The following CFAP299 variants were observed in gnomAD, a reference collection of about 807,000 sequenced individuals.
CFAP299 encodes the protein cilia and flagella associated protein 299, also known as cilia- and flagella-associated protein 299.
Under a neutral mutation model 27.0 loss-of-function variants are expected in CFAP299, and 21 were observed. The observed-to-expected ratio is 0.78, with a 90% CI of 0.55 to 1.12. The LOEUF (loss-of-function observed/expected upper bound fraction) is 1.12. Ranked by LOEUF, CFAP299 falls within the 50% of genes most tolerant of loss-of-function variation. The pLI is 0.00. For missense variants in CFAP299, 310 were observed against 276.6 expected (o/e 1.12, Z -0.86); for synonymous variants, 104 against 98.1 (o/e 1.06, Z -0.36).
intron 2 of CFAP299, chr4:80,387,072 T>G: frequency 1.4e-6 from 2 of 1,434,992 alleles, no homozygotes; most frequent in African/African-American, 2.8e-5. Context: ...GGGGAAGTTG[T>G]GAGTGGCGGT....
At chr4:80,725,089 C>A (rs555215131) in intron 3 of CFAP299, among the ~76,000 whole-genome samples, 48 of 149,070 alleles carry the variant, frequency 3.2e-4, no homozygotes, top group South Asian at 2.4e-3. Context: ...GGACTACAGG[C>A]ATGCACCACC....
At chr4:80,372,516 T>C (rs1331119362) in intron 2 of CFAP299, among the ~76,000 whole-genome samples, 5 of 152,246 alleles carry the variant, frequency 3.3e-5, no homozygotes, top group African/African-American at 1.2e-4. Context: ...AATATATTTC[T>C]GTTTTAAGCC....
At chr4:80,850,368 T>C (rs1578181353) in intron 3 of CFAP299, among the ~76,000 whole-genome samples, 1 of 151,932 alleles carries the variant, frequency 6.6e-6, no homozygotes, top group South Asian at 2.1e-4. Flanking sequence ...TAATATGTTA[T>C]TCAGAAACAA....
chr4:80,862,159 C>G (rs1732416785), intron 3 of CFAP299, among the ~76,000 whole-genome samples: 1 of 152,102 alleles, frequency 6.6e-6, no homozygotes, highest in South Asian at 2.1e-4. Context: ...CATTTGAGGT[C>G]AGGAGTTCGA....
intron 3 of CFAP299, among the ~76,000 whole-genome samples, chr4:80,717,772 A>G (rs1722573671): frequency 6.6e-6 from 1 of 152,148 alleles, no homozygotes; most frequent in Non-Finnish European, 1.5e-5. Context: ...ATAAGTAAAA[A>G]ATGCAGGAAA....
intron 3 of CFAP299, among the ~76,000 whole-genome samples, chr4:80,683,176 A>G (rs1719953755): frequency 6.6e-6 from 1 of 152,220 alleles, no homozygotes; most frequent in Non-Finnish European, 1.5e-5. Context: ...AAAGTTATGC[A>G]GAATACAATG....
At chr4:80,919,514 C>A (rs1735934485) in intron 4 of CFAP299, among the ~76,000 whole-genome samples, 1 of 152,036 alleles carries the variant, frequency 6.6e-6, no homozygotes, top group South Asian at 2.1e-4. Context: ...GTATGAGATC[C>A]TCAGGTAAAG....
intron 3 of CFAP299, among the ~76,000 whole-genome samples, chr4:80,674,519 G>A (rs1280499403): frequency 1.3e-5 from 2 of 152,094 alleles, no homozygotes; most frequent in Admixed American, 6.6e-5. Context: ...CTCTTCTCGA[G>A]GAGTATCTTT....
At chr4:80,447,130 G>GTTTTTTTTTTTTTTTTT (rs1553923883) in intron 2 of CFAP299, among the ~76,000 whole-genome samples, 4 of 105,320 alleles carry the variant, frequency 3.8e-5, no homozygotes, top group Non-Finnish European at 5.3e-5. Context: ...TTTTTTTTTT[G>GTTTTTTTTTTTTTTTTT]TTTTTTTTTT....
At chr4:80,495,841 CTGGCAACCCAAATAA>C (rs1560594257) in intron 2 of CFAP299, among the ~76,000 whole-genome samples, 1 of 152,180 alleles carries the variant, frequency 6.6e-6, no homozygotes, top group Non-Finnish European at 1.5e-5. Context: ...TCATGACCCT[CTGGCAACCCAAATAA>C]GCAGTGACCA....
chr4:80,871,442 G>C, intron 4 of CFAP299: 1 of 985,360 alleles, frequency 1.0e-6, no homozygotes, highest in Non-Finnish European at 1.2e-6. Flanking sequence ...GTGGATTGCT[G>C]TGCTAATAAC....
At chr4:80,402,149 C>T (rs1209468130) in intron 2 of CFAP299, among the ~76,000 whole-genome samples, 1 of 152,144 alleles carries the variant, frequency 6.6e-6, no homozygotes, top group Non-Finnish European at 1.5e-5. Context: ...TGCCTTGTCT[C>T]AGATGAGACT....
chr4:80,529,663 C>T (rs1733368878), intron 2 of CFAP299, among the ~76,000 whole-genome samples: 1 of 151,908 alleles, frequency 6.6e-6, no homozygotes, highest in Non-Finnish European at 1.5e-5. Context: ...GTTTTAATTT[C>T]TATTTTATTT....
At chr4:80,495,776 C>G (rs1731404638) in intron 2 of CFAP299, among the ~76,000 whole-genome samples, 1 of 152,248 alleles carries the variant, frequency 6.6e-6, no homozygotes, top group African/African-American at 2.4e-5. Context: ...AAGCATGATA[C>G]TAGCATCTGC....
intron 2 of CFAP299, among the ~76,000 whole-genome samples, chr4:80,416,102 T>C (rs1340665049): frequency 1.3e-5 from 2 of 152,212 alleles, no homozygotes; most frequent in African/African-American, 4.8e-5. Flanking sequence ...TGAAAAGCTG[T>C]TGAAAGCACA....
At chr4:80,494,893 C>T (rs1431127193) in intron 2 of CFAP299, among the ~76,000 whole-genome samples, 3 of 152,152 alleles carry the variant, frequency 2.0e-5, no homozygotes, top group African/African-American at 7.2e-5. Context: ...CTACAGGCCC[C>T]ACACAAGTTC....
At position 80,583,125 on chromosome 4, in the gene CFAP299, A is replaced by G. The variant is rs1476149001; in HGVS notation, c.275A>G (p.Asp92Gly). 6.2e-7 allele frequency: 1 copy of G among 1,606,106 alleles called. No homozygotes were observed. Among genetic ancestry groups the G allele is most frequent in the South Asian group, 1.1e-5 (1 of 90,146 alleles). ...TLTSAGKDLQ[D>G]NFLTALAMRE... is the part of the protein sequence containing the mutation. ...ACAAGTGCTGGTAAAGACCTACAAG[A>G]TAATTTTCTGACGGCCCTGGCAATG... is the stretch of plus-strand genomic sequence containing the variant. Residue 92 changes from aspartate (D) to glycine (G), a missense_variant, in exon 3 of 6, where the codon GAT (aspartate) becomes GGT (glycine). Transcript: ENST00000358105.
At chr4:80,635,486 A>G (rs77822420) in intron 3 of CFAP299, among the ~76,000 whole-genome samples, 1,647 of 152,292 alleles carry the variant, frequency 0.011, 32 homozygotes, top group African/African-American at 0.036. Flanking sequence ...CAATAAAGAG[A>G]ATAGACTTAA....
chr4:80,823,123 C>T (rs1370678618), intron 3 of CFAP299, among the ~76,000 whole-genome samples: 1 of 152,114 alleles, frequency 6.6e-6, no homozygotes, highest in East Asian at 1.9e-4. Flanking sequence ...CTACTTAGCA[C>T]CTCCTATCTT....
Sources: gnomAD v4.1 joint callset for allele counts (sites outside exome capture counted in the v4.1 genomes callset) on GRCh38, gnomAD v4.1.1 for gene constraint, MANE v1.5 for transcripts, NCBI Gene and HGNC (gene_info 2026-07-23, HGNC 2026-07-21) for gene names.